Variants in ERG observed in about 807,000 individuals in gnomAD.
The protein encoded by ERG is transcriptional regulator ERG.
ERG carries 9 observed loss-of-function variants against 55.3 expected under a neutral mutation model. The observed-to-expected ratio is 0.16, with a 90% CI of 0.10 to 0.28. The LOEUF (loss-of-function observed/expected upper bound fraction) is 0.28. ERG is among the 10% of genes least tolerant of loss of function. The pLI, the probability that ERG is intolerant of heterozygous loss-of-function variation, is 1.00. For synonymous variants in ERG, 223 were observed against 237.3 expected, an observed-to-expected ratio of 0.94 and a Z score of 0.55; for missense variants, 434 against 631.6, an observed-to-expected ratio of 0.69 and a Z score of 3.35.
chr21:38,368,389 A>T, the ERG span, among the ~76,000 whole-genome samples: 1 of 77,030 alleles, frequency 1.3e-5, no homozygotes, highest in Non-Finnish European at 2.8e-5. Context: ...TGAGTTTGTT[A>T]GTTTCATTAA....
chr21:38,656,980 A>G (rs2060523359), intron 1 of ERG, among the ~76,000 whole-genome samples: 1 of 152,208 alleles, frequency 6.6e-6, no homozygotes, highest in African/African-American at 2.4e-5. Flanking sequence ...AGGTACAAAA[A>G]TCTCATTCCC....
intron 2 of ERG, among the ~76,000 whole-genome samples, chr21:38,436,625 A>C (rs1019278043): frequency 1.3e-5 from 2 of 152,360 alleles, no homozygotes; most frequent in Non-Finnish European, 2.9e-5. Flanking sequence ...GAATAATCAT[A>C]ATAATGTCAT....
chr21:38,661,295 A>G (rs2060554834), intron 1 of ERG, among the ~76,000 whole-genome samples: 1 of 152,242 alleles, frequency 6.6e-6, no homozygotes, highest in Non-Finnish European at 1.5e-5. Flanking sequence ...TGAAAATAGT[A>G]AAAGTGAAAA....
intron 1 of ERG, among the ~76,000 whole-genome samples, chr21:38,458,430 A>G (rs1033659546): frequency 6.6e-6 from 1 of 151,576 alleles, no homozygotes; most frequent in Non-Finnish European, 1.5e-5. Context: ...GCTCAAAAAA[A>G]AAAAAAAAAA....
rs1648945331 is a variant in ERG at position 38,382,391 on chromosome 21, C to T, written c.*1012G>A. ...TTACCTGACCCTGTGGAGAACAAAG[C>T]CCCCACATAATGATGAGGTCCTGAA... On this transcript the variant is annotated 3_prime_UTR_variant, in exon 10 of 10. Coordinates refer to ENST00000288319, the MANE Select transcript of ERG (RefSeq NM_182918.4). 3.8e-6 allele frequency: 4 copies of T among 1,060,512 alleles called. No homozygotes were observed. The highest frequency in any genetic ancestry group is 4.6e-6 in the Non-Finnish European group (4 of 875,954). 65.7% of individuals were successfully genotyped at this position (1,060,512 alleles called of 1,614,324 possible). A position where few individuals can be genotyped will look rare whatever the true frequency, so the allele number is the denominator to read the frequency against.
chr21:38,420,208 G>A (rs1283133033), intron 3 of ERG, among the ~76,000 whole-genome samples: 1 of 152,122 alleles, frequency 6.6e-6, no homozygotes. Flanking sequence ...CATGGGGATG[G>A]ATACAGCAGC....
chr21:38,404,590 C>CG (rs1988672739), intron 3 of ERG, among the ~76,000 whole-genome samples: 1 of 152,168 alleles, frequency 6.6e-6, no homozygotes, highest in African/African-American at 2.4e-5. Flanking sequence ...CCTTGGGCCC[C>CG]GAGCCCTGAG....
At chr21:38,512,793 T>C (rs1177677427) in intron 2 of ERG, among the ~76,000 whole-genome samples, 1 of 152,142 alleles carries the variant, frequency 6.6e-6, no homozygotes, top group Non-Finnish European at 1.5e-5. Flanking sequence ...TAATTCACAT[T>C]ATAATATAGA....
At chr21:38,599,379 T>C (rs1483937357) in intron 1 of ERG, among the ~76,000 whole-genome samples, 1 of 152,120 alleles carries the variant, frequency 6.6e-6, no homozygotes, top group African/African-American at 2.4e-5. Flanking sequence ...TGTGGGGCAA[T>C]GTCACTGCAA....
At chr21:38,426,037 C>T (rs1670698768) in intron 2 of ERG, among the ~76,000 whole-genome samples, 1 of 152,214 alleles carries the variant, frequency 6.6e-6, no homozygotes, top group Non-Finnish European at 1.5e-5. Flanking sequence ...GGGTACACTG[C>T]CATCTGCGGA....
intron 2 of ERG, among the ~76,000 whole-genome samples, chr21:38,556,758 G>T (rs1207432375): frequency 2.6e-5 from 4 of 152,182 alleles, no homozygotes; most frequent in Non-Finnish European, 5.9e-5. Context: ...TGGATGGGAA[G>T]AAAGCAGGGT....
intron 1 of ERG, among the ~76,000 whole-genome samples, chr21:38,470,468 T>C (rs189941102): frequency 2.0e-5 from 3 of 152,326 alleles, no homozygotes; most frequent in Admixed American, 2.0e-4. Context: ...TCTGTTAAGC[T>C]AGTAAAAATT....
chr21:38,544,914 G>C (rs983162204), intron 2 of ERG, among the ~76,000 whole-genome samples: 1 of 152,020 alleles, frequency 6.6e-6, no homozygotes, highest in Admixed American at 6.6e-5. Flanking sequence ...AGCTCACTGT[G>C]CTCTGACTAG....
At chr21:38,605,912 T>C (rs1448362093) in intron 1 of ERG, among the ~76,000 whole-genome samples, 1 of 152,010 alleles carries the variant, frequency 6.6e-6, no homozygotes, top group Non-Finnish European at 1.5e-5. Context: ...AATAGATAGA[T>C]AGATAGGAGA....
intron 2 of ERG, among the ~76,000 whole-genome samples, chr21:38,535,531 T>C (rs992534862): frequency 5.3e-5 from 8 of 151,970 alleles, no homozygotes; most frequent in Admixed American, 2.6e-4. Flanking sequence ...TTTATGATTT[T>C]CAAAACACCT....
intron 1 of ERG, among the ~76,000 whole-genome samples, chr21:38,487,128 T>C (rs1185749923): frequency 2.3e-4 from 24 of 102,686 alleles, no homozygotes. Flanking sequence ...CTCTTTTTTT[T>C]TTTTTTTTCA....
intron 1 of ERG, among the ~76,000 whole-genome samples, chr21:38,494,012 T>C (rs1336431646): frequency 1.3e-5 from 2 of 152,192 alleles, no homozygotes; most frequent in Non-Finnish European, 2.9e-5. Context: ...CTGCCATTTA[T>C]TGAGGATGGG....
intron 1 of ERG, among the ~76,000 whole-genome samples, chr21:38,597,973 A>G (rs2060142230): frequency 6.6e-6 from 1 of 152,232 alleles, no homozygotes; most frequent in Non-Finnish European, 1.5e-5. Context: ...GCACAAAACA[A>G]TCCAGCAGAA....
upstream of ERG, among the ~76,000 whole-genome samples, chr21:38,500,319 T>C (rs2059411974): frequency 6.6e-6 from 1 of 152,228 alleles, no homozygotes; most frequent in African/African-American, 2.4e-5. Context: ...CGCCTCGTGG[T>C]TGCTAATCCA....
Sources: gnomAD v4.1 joint callset for allele counts (sites outside exome capture counted in the v4.1 genomes callset) on GRCh38, gnomAD v4.1.1 for gene constraint, MANE v1.5 for transcripts, NCBI Gene and HGNC (gene_info 2026-07-23, HGNC 2026-07-21) for gene names.